The following CHD9 variants were observed in gnomAD, a reference collection of about 807,000 sequenced individuals.
The protein encoded by CHD9 is chromodomain helicase DNA binding protein 9.
Under a neutral mutation model 316.1 loss-of-function variants are expected in CHD9, and 77 were observed. The observed-to-expected ratio is 0.24, with a 90% CI of 0.20 to 0.29. CHD9 has a LOEUF of 0.29. CHD9 is among the 10% of genes least tolerant of loss of function. The probability of loss-of-function intolerance (pLI) is 1.00; values close to 1 mark genes in which losing one functional copy is unlikely to be tolerated. For missense variants in CHD9, 2,763 were observed against 3,438.1 expected (o/e 0.80, Z 4.91); for synonymous variants, 1,129 against 1,158.3 (o/e 0.97, Z 0.51).
chr16:53,232,359 T>C (rs754154628), intron 10 of CHD9, among the ~76,000 whole-genome samples: 14 of 152,168 alleles, frequency 9.2e-5, no homozygotes, highest in Non-Finnish European at 1.9e-4. Flanking sequence ...TAAGTGATTC[T>C]CAGTCAAAGG....
chr16:53,198,204 AT>A (rs1284240014), intron 2 of CHD9, among the ~76,000 whole-genome samples: 1 of 151,572 alleles, frequency 6.6e-6, no homozygotes, highest in Non-Finnish European at 1.5e-5. Context: ...TTCCCTCTGC[AT>A]TTTACTCATT....
At chr16:53,206,561 G>A (rs1435341456) in intron 2 of CHD9, among the ~76,000 whole-genome samples, 1 of 152,114 alleles carries the variant, frequency 6.6e-6, no homozygotes, top group Non-Finnish European at 1.5e-5. Flanking sequence ...TTCAGTAGCT[G>A]TGTGATCTTG....
chr16:53,296,115 T>C (rs549025000), intron 29 of CHD9, among the ~76,000 whole-genome samples: 1 of 152,356 alleles, frequency 6.6e-6, no homozygotes, highest in East Asian at 1.9e-4. Flanking sequence ...CCATCTGAAA[T>C]GCCACTTACT....
chr16:53,123,345 A>T (rs745373631), intron 1 of CHD9, among the ~76,000 whole-genome samples: 3 of 151,632 alleles, frequency 2.0e-5, no homozygotes, highest in Admixed American at 6.6e-5. Context: ...GTCACTCTCC[A>T]TTCTTCATCC....
intron 1 of CHD9, among the ~76,000 whole-genome samples, chr16:53,070,488 CT>C: frequency 1.4e-5 from 2 of 144,196 alleles, no homozygotes; most frequent in African/African-American, 5.5e-5. Context: ...TTCTTTCTTT[CT>C]TTCCTTCCTT....
chr16:53,158,624 C>CT (rs567963450), intron 2 of CHD9, among the ~76,000 whole-genome samples: 2 of 151,544 alleles, frequency 1.3e-5, no homozygotes, highest in South Asian at 4.2e-4. Context: ...GAAATTAATA[C>CT]TTTTTTTTGT....
intron 13 of CHD9, among the ~76,000 whole-genome samples, chr16:53,243,861 A>T (rs1372768184): frequency 6.6e-6 from 1 of 152,216 alleles, no homozygotes; most frequent in Admixed American, 6.5e-5. Flanking sequence ...TAATTATTAC[A>T]TGAGCACTTG....
chr16:53,126,017 A>G (rs1473626739), intron 1 of CHD9, among the ~76,000 whole-genome samples: 1 of 152,160 alleles, frequency 6.6e-6, no homozygotes, highest in African/African-American at 2.4e-5. Context: ...AGTTTAATCT[A>G]CTTTTTGTGG....
intron 1 of CHD9, among the ~76,000 whole-genome samples, chr16:53,091,967 G>A (rs1043194130): frequency 5.3e-5 from 8 of 152,094 alleles, no homozygotes; most frequent in Non-Finnish European, 7.4e-5. Context: ...TCACCCAGCC[G>A]AGAGCAGCGA....
chr16:53,233,932 C>T (rs755166797), intron 10 of CHD9, among the ~76,000 whole-genome samples: 1 of 152,120 alleles, frequency 6.6e-6, no homozygotes, highest in Non-Finnish European at 1.5e-5. Flanking sequence ...ATTTCTCCTA[C>T]TGAGACCCTA....
rs1408997777 is a variant in CHD9 at position 53,156,445 on chromosome 16, C to T, written c.356C>T (p.Ser119Leu). 1 of 1,613,992 alleles carries T rather than the reference C, an allele frequency of 6.2e-7. No individual in the cohort carries two copies. The highest frequency in any genetic ancestry group is 8.5e-7 in the Non-Finnish European group (1 of 1,179,892). The change falls in exon 2 of 39, where the codon TCA becomes TTA. Residue 119 changes from serine to leucine, a missense_variant. By Grantham distance (145) the Ser-to-Leu change is moderately radical. This residue lies in a region of CHD9 where 859 missense variants were observed against 890.4 expected (regional missense o/e 0.96). Coordinates refer to ENST00000447540, the MANE Select transcript of CHD9 (RefSeq NM_001308319.2). Reference sequence around the variant, plus strand: ...CCCAATGGTTTGTTTCCAGATGTATCAGATGGCAGTCCAATGTGGGGCCAT... The same window carrying T: ...CCCAATGGTTTGTTTCCAGATGTATTAGATGGCAGTCCAATGTGGGGCCAT... ...NQPNGLFPDV[S>L]DGSPMWGHQT...
chr16:53,080,524 G>A (rs1268805012), intron 1 of CHD9, among the ~76,000 whole-genome samples: 2 of 152,200 alleles, frequency 1.3e-5, no homozygotes, highest in Non-Finnish European at 2.9e-5. Context: ...AGTAAGCTGG[G>A]CTTTTTGAGT....
intron 1 of CHD9, among the ~76,000 whole-genome samples, chr16:53,119,691 G>T (rs2038590651): frequency 6.6e-6 from 1 of 152,112 alleles, no homozygotes. Context: ...AATTAGCCAG[G>T]CGTGTTGGCG....
intron 12 of CHD9, among the ~76,000 whole-genome samples, chr16:53,240,650 C>G (rs1039566014): frequency 1.3e-5 from 2 of 150,996 alleles, no homozygotes; most frequent in African/African-American, 4.9e-5. Flanking sequence ...TTTACATTAT[C>G]GAATAGCTTG....
chr16:53,076,492 T>C (rs1480588688), intron 1 of CHD9, among the ~76,000 whole-genome samples: 1 of 151,970 alleles, frequency 6.6e-6, no homozygotes, highest in African/African-American at 2.4e-5. Context: ...GGGAAATCGC[T>C]TGAACCCAGG....
At chr16:53,068,610 C>T (rs1211521761) in intron 1 of CHD9, among the ~76,000 whole-genome samples, 1 of 152,204 alleles carries the variant, frequency 6.6e-6, no homozygotes, top group African/African-American at 2.4e-5. Flanking sequence ...TGCCACAGCA[C>T]CCACTCCACT....
At chr16:53,212,646 T>A (rs2046424251) in intron 3 of CHD9, among the ~76,000 whole-genome samples, 1 of 152,166 alleles carries the variant, frequency 6.6e-6, no homozygotes, top group Admixed American at 6.5e-5. Flanking sequence ...TCGGAGCACT[T>A]TCTTAGAGTC....
intron 8 of CHD9, among the ~76,000 whole-genome samples, chr16:53,229,927 A>G (rs2048021198): frequency 6.6e-6 from 1 of 152,188 alleles, no homozygotes; most frequent in Admixed American, 6.5e-5. Flanking sequence ...TGTTTTTATA[A>G]CAAAAAGAGA....
chr16:53,279,628 G>A (rs2153029426), intron 24 of CHD9, among the ~76,000 whole-genome samples: 1 of 152,244 alleles, frequency 6.6e-6, no homozygotes, highest in Non-Finnish European at 1.5e-5. Context: ...AGGATTTCAT[G>A]ACTAAGGACC....
Sources: allele counts gnomAD v4.1 joint callset (sites outside exome capture counted in the v4.1 genomes callset), GRCh38; gene constraint gnomAD v4.1.1; regional missense constraint gnomAD v4.1.1; transcripts MANE v1.5; gene names NCBI Gene and HGNC (gene_info 2026-07-23, HGNC 2026-07-21).